Variants in HNF1A observed in about 807,000 individuals in gnomAD.
The protein encoded by HNF1A is hepatocyte nuclear factor 1-alpha.
HNF1A carries 21 observed loss-of-function variants against 62.2 expected under a neutral mutation model. The ratio of observed to expected loss-of-function variants is 0.34; its 90% confidence interval spans 0.24 to 0.49. The LOEUF (loss-of-function observed/expected upper bound fraction) is 0.49. Ranked by LOEUF, HNF1A falls within the 20% of genes least tolerant of loss-of-function variation. The pLI is 0.99. For synonymous variants in HNF1A, 374 were observed against 366.8 expected (o/e 1.02, Z -0.22); for missense variants, 687 against 832.3 (o/e 0.83, Z 2.15).
chr12:120,991,203 C>T (rs1876817082), intron 2 of HNF1A, among the ~76,000 whole-genome samples: 1 of 152,192 alleles, frequency 6.6e-6, no homozygotes, highest in African/African-American at 2.4e-5. Flanking sequence ...CACAGAGTAG[C>T]TGCTTTAAAA....
intron 9 of HNF1A, among the ~76,000 whole-genome samples, chr12:121,000,217 G>A (rs1344554990): frequency 1.3e-5 from 2 of 152,156 alleles, no homozygotes; most frequent in Non-Finnish European, 2.9e-5. Context: ...GGGCTTTGCA[G>A]CCTGCCTTTT....
chr12:120,979,946 AG>A lies in HNF1A; in HGVS notation c.326+853del, dbSNP rs1015078396. On this transcript the variant is annotated intron_variant, in intron 1 of 9. Transcript: ENST00000257555. ...ATCTGGGCCAACCCACCTCCCACCT[AG>A]TGGGGGTGGGGGATGGGGGTGTGGG... Among the ~76,000 whole-genome samples the A allele has an allele frequency of 3.3e-5, 5 of 151,864 alleles. No individual in the cohort carries two copies. The East Asian group carries it at 9.7e-4, about 29-fold the overall frequency.
rs73417768 is a variant in HNF1A at position 120,986,269 on chromosome 12, A to C, written c.327-2564A>C. Among the ~76,000 whole-genome samples the C allele has an allele frequency of 7.5e-3, 1,139 of 152,304 alleles. 12 individuals are homozygous for C. The highest frequency in any genetic ancestry group is 0.018 in the African/African-American group (739 of 41,564). On this transcript the variant is annotated intron_variant, in intron 1 of 9. Transcript: ENST00000257555. Reference sequence around the variant, plus strand: ...AACTCTGCTCCACCTGGGCACACAGAGCTTCCTCAGCGGGGTTTTTTCAGT... The same window carrying C: ...AACTCTGCTCCACCTGGGCACACAGCGCTTCCTCAGCGGGGTTTTTTCAGT...
chr12:120,999,287 C>T lies in HNF1A; in HGVS notation c.1521C>T (p.Pro507=), dbSNP rs977750039. ...GGCCAGCCCTCTACAGCCACAAGCC[C>T]GAGGTGGCCCAGTACACCCACACGG... ...QSPHALYSHK[P]EVAQYTHTGL... Residue 507 remains proline (P), a synonymous_variant, in exon 8 of 10, where the codon CCC becomes CCT. Coordinates refer to ENST00000257555, the MANE Select transcript of HNF1A (RefSeq NM_000545.8). The T allele has an allele frequency of 6.2e-6, 10 of 1,614,042 alleles. No homozygotes were observed. Among genetic ancestry groups the T allele is most frequent in the South Asian group, 1.1e-5 (1 of 91,088 alleles).
intron 1 of HNF1A, 109 bp from the exon 2 acceptor site, chr12:120,988,724 C>A (rs1876660436): frequency 1.0e-6 from 1 of 978,782 alleles, no homozygotes; most frequent in Non-Finnish European, 1.6e-6. Flanking sequence ...TGCTTTCATG[C>A]ACAGTCCCCA....
At position 121,002,083 on chromosome 12, in the gene HNF1A, T is replaced by C. The variant is rs1300584746; in HGVS notation, c.*891T>C. ...AGCGCCCTGCAGACCCTGCCCTTGT[T>C]TGGGGCAGGAGTAGCTGAGCTCACA... On this transcript the variant is annotated 3_prime_UTR_variant, in exon 10 of 10. Coordinates refer to ENST00000257555, the MANE Select transcript of HNF1A (RefSeq NM_000545.8). 3 of 535,748 alleles carry C rather than the reference T, an allele frequency of 5.6e-6. No homozygotes were observed. The highest frequency in any genetic ancestry group is 5.6e-5 in the African/African-American group (3 of 53,902). The allele number at this position is 535,748 out of a possible 1,614,324, so 33.2% of individuals were successfully genotyped here.
In HNF1A at chr12:120,978,674, T is replaced by C; in HGVS notation, c.-95T>C. 8.3e-7 allele frequency: 1 copy of C among 1,203,696 alleles called. No individual in the cohort carries two copies. Among genetic ancestry groups the C allele is most frequent in the South Asian group, 1.2e-5 (1 of 81,900 alleles). 74.6% of individuals were successfully genotyped at this position (1,203,696 alleles called of 1,614,324 possible). On this transcript the variant is annotated 5_prime_UTR_variant, in exon 1 of 10. Transcript: ENST00000257555. ...GGCAGTGGGTGCAAGGAGTTTGGTT[T>C]GTGTCTGCCGGCCGGCAGGCAAACG... is the stretch of plus-strand genomic sequence containing the variant.
At chr12:120,983,606 C>T (rs541472058) in intron 1 of HNF1A, among the ~76,000 whole-genome samples, 22 of 149,996 alleles carry the variant, frequency 1.5e-4, no homozygotes, top group Non-Finnish European at 3.0e-4. Context: ...AGTGCAGTGG[C>T]GCAGTCTTGG....
At chr12:120,990,666 AAAGGTAGGAAAGGG>A (rs1415974885) in intron 2 of HNF1A, among the ~76,000 whole-genome samples, 8 of 146,096 alleles carry the variant, frequency 5.5e-5, no homozygotes, top group African/African-American at 1.3e-4. Flanking sequence ...GAAAGGGAGG[AAAGGTAGGAAAGGG>A]AGGAAGGAAG....
chr12:121,001,893 A>G lies in HNF1A; in HGVS notation c.*701A>G. ...CCCTCTCCCAGGCCCCATGACCTCC[A>G]GCTTTCCTGTATTTGTTCCCAAGAG... is the stretch of plus-strand genomic sequence containing the variant. On this transcript the variant is annotated 3_prime_UTR_variant, in exon 10 of 10. Coordinates refer to ENST00000257555, the MANE Select transcript of HNF1A (RefSeq NM_000545.8). 2.0e-6 allele frequency: 1 copy of G among 512,284 alleles called. No individual in the cohort carries two copies. The allele number at this position is 512,284 out of a possible 1,614,324, so 31.7% of individuals were successfully genotyped here.
intron 2 of HNF1A, 50 bp downstream of exon 2, chr12:120,989,082 C>G (rs1876681336): frequency 6.4e-7 from 1 of 1,566,260 alleles, no homozygotes; most frequent in African/African-American, 1.4e-5. Flanking sequence ...CCAGGACTCT[C>G]CCCTAACTCA....
At chr12:120,987,201 G>A (rs550274015) in intron 1 of HNF1A, among the ~76,000 whole-genome samples, 2 of 152,282 alleles carry the variant, frequency 1.3e-5, no homozygotes, top group African/African-American at 4.8e-5. Context: ...GCGGCCGGGC[G>A]CGGTGGCTCA....
chr12:120,997,995 TG>T (rs1335732105), intron 7 of HNF1A: 1 of 594,080 alleles, frequency 1.7e-6, no homozygotes, highest in African/African-American at 1.9e-5. Flanking sequence ...AAAGGTAATC[TG>T]GGGCCAGGCG....
chr12:120,991,174 T>C (rs1018542359), intron 2 of HNF1A, among the ~76,000 whole-genome samples: 1 of 152,256 alleles, frequency 6.6e-6, no homozygotes, highest in African/African-American at 2.4e-5. Flanking sequence ...GATAAATTCC[T>C]AGAAGTGGAC....
At chr12:120,979,148 C>G in intron 1 of HNF1A, 54 bp downstream of exon 1, 1 of 1,484,766 alleles carries the variant, frequency 6.7e-7, no homozygotes, top group Non-Finnish European at 9.2e-7. Flanking sequence ...GGGCCCCCCT[C>G]AGCTCCTAAC....
At chr12:120,987,431 C>T (rs1279453810) in intron 1 of HNF1A, among the ~76,000 whole-genome samples, 7 of 146,154 alleles carry the variant, frequency 4.8e-5, no homozygotes, top group Non-Finnish European at 1.0e-4. Flanking sequence ...GCCGAGATCG[C>T]GCCACTGCAC....
intron 1 of HNF1A, among the ~76,000 whole-genome samples, chr12:120,981,890 G>A (rs1160749982): frequency 1.3e-5 from 2 of 152,172 alleles, no homozygotes; most frequent in East Asian, 3.9e-4. Flanking sequence ...TGCACAGCAG[G>A]AATGAGTGAG....
In HNF1A at chr12:120,999,526, A is replaced by G. The variant is rs1449900339; in HGVS notation, c.1667A>G (p.His556Arg). Residue 556 changes from histidine (H) to arginine (R), a missense_variant, in exon 9 of 10, where the codon CAC becomes CGC. Around this residue, in one of 5 missense-constraint regions of HNF1A, gnomAD observed 408 missense variants for 455.3 expected, o/e 0.90. Coordinates refer to ENST00000257555, the MANE Select transcript of HNF1A (RefSeq NM_000545.8). ...GAGGCCTCCAGTGAGTCCGGGCTTCACACGCCGGCATCTCAGGCCACCACC... is the reference window on the plus strand; with the variant it reads ...GAGGCCTCCAGTGAGTCCGGGCTTCGCACGCCGGCATCTCAGGCCACCACC... ...DTEASSESGL[H>R]TPASQATTLH... The G allele has an allele frequency of 6.2e-7, 1 of 1,613,238 alleles. No homozygotes were observed. Among genetic ancestry groups the G allele is most frequent in the South Asian group, 1.1e-5 (1 of 91,074 alleles).
At chr12:120,980,140 T>C (rs1004835072) in intron 1 of HNF1A, among the ~76,000 whole-genome samples, 10 of 152,198 alleles carry the variant, frequency 6.6e-5, no homozygotes, top group Middle Eastern at 3.2e-3. Flanking sequence ...GCAGAAGCTA[T>C]TGGTGACTCT....
Sources: gnomAD v4.1 joint callset for allele counts (sites outside exome capture counted in the v4.1 genomes callset) on GRCh38, gnomAD v4.1.1 for gene constraint, gnomAD v4.1.1 regional missense constraint, MANE v1.5 for transcripts, NCBI Gene and HGNC (gene_info 2026-07-23, HGNC 2026-07-21) for gene names.